The following JAZF1 variants were observed in gnomAD, a reference collection of about 807,000 sequenced individuals.
The protein encoded by JAZF1 is juxtaposed with another zinc finger protein 1.
Under a neutral mutation model 26.4 loss-of-function variants are expected in JAZF1, and 8 were observed. That is an observed-to-expected ratio of 0.30 (90% CI 0.18 to 0.55). The LOEUF is 0.55. JAZF1 is among the 20% of genes least tolerant of loss of function. The probability of loss-of-function intolerance (pLI) is 0.94; values close to 1 mark genes in which losing one functional copy is unlikely to be tolerated. For missense variants in JAZF1, 199 were observed against 322.0 expected, an observed-to-expected ratio of 0.62 and a Z score of 2.92; for synonymous variants, 126 against 122.3, an observed-to-expected ratio of 1.03 and a Z score of -0.20.
rs116994861 is a variant in JAZF1 at position 28,026,631 on chromosome 7, G to A, written c.116-34650C>T. ...TAGGGGAATCTAACCAATGGTGCAGGTATCATTTGTGTAACTAAGGTACCA... is the reference window on the plus strand; with the variant it reads ...TAGGGGAATCTAACCAATGGTGCAGATATCATTTGTGTAACTAAGGTACCA... On this transcript the variant is annotated intron_variant, in intron 1 of 4. Coordinates refer to ENST00000283928, the MANE Select transcript of JAZF1 (RefSeq NM_175061.4). Among the ~76,000 whole-genome samples, 46 of 152,208 alleles carry A rather than the reference G, an allele frequency of 3.0e-4. 2 individuals carry two copies. In the East Asian group the frequency reaches 8.9e-3, roughly 29 times the overall value.
chr7:27,952,705 G>A (rs1214013163), intron 2 of JAZF1, among the ~76,000 whole-genome samples: 3 of 152,196 alleles, frequency 2.0e-5, no homozygotes, highest in Non-Finnish European at 2.9e-5. Flanking sequence ...TGAACAACAA[G>A]CATATTCCTT....
chr7:28,168,474 T>G (rs1783403554), intron 1 of JAZF1, among the ~76,000 whole-genome samples: 1 of 151,796 alleles, frequency 6.6e-6, no homozygotes, highest in African/African-American at 2.4e-5. Flanking sequence ...TAAAAGCATC[T>G]GCCAACAAAG....
At position 27,977,784 on chromosome 7, in the gene JAZF1, C is replaced by A. The variant is rs186898715; in HGVS notation, c.188+14125G>T. On this transcript the variant is annotated intron_variant, in intron 2 of 4. Transcript: ENST00000283928. ...TTGTGCCGATTCTGACCTCTGCCTC[C>A]TCAGTTCAGCGAAGCTGCTGTGTTC... 1.1e-4 allele frequency among the ~76,000 whole-genome samples: 16 copies of A among 152,324 alleles called. No homozygotes were observed. The East Asian group carries it at 3.1e-3, about 29-fold the overall frequency.
At chr7:28,035,891 T>G (rs906522735) in intron 1 of JAZF1, among the ~76,000 whole-genome samples, 6 of 152,058 alleles carry the variant, frequency 3.9e-5, no homozygotes, top group African/African-American at 1.4e-4. Context: ...AATAAATACA[T>G]GAAAATAAAG....
chr7:28,112,668 A>C (rs1039242193), intron 1 of JAZF1, among the ~76,000 whole-genome samples: 1 of 152,210 alleles, frequency 6.6e-6, no homozygotes, highest in African/African-American at 2.4e-5. Flanking sequence ...TAAGGCATAC[A>C]AAGTACTGTG....
chr7:27,975,470 C>T (rs768926015), intron 2 of JAZF1, among the ~76,000 whole-genome samples: 6 of 152,240 alleles, frequency 3.9e-5, no homozygotes, highest in South Asian at 2.1e-4. Flanking sequence ...CAAGGAAGGA[C>T]GGGCTGAGAC....
intron 1 of JAZF1, among the ~76,000 whole-genome samples, chr7:28,138,599 G>A (rs1782919808): frequency 2.6e-5 from 4 of 152,168 alleles, no homozygotes; most frequent in Admixed American, 2.6e-4. Context: ...AAGAGAAAAA[G>A]GAAATCTGAT....
chr7:27,876,958 T>C (rs1367048942), intron 3 of JAZF1, among the ~76,000 whole-genome samples: 1 of 152,184 alleles, frequency 6.6e-6, no homozygotes, highest in Non-Finnish European at 1.5e-5. Flanking sequence ...GAGATGACTT[T>C]ATGGGGTTGT....
rs777053184 is a variant in JAZF1 at position 27,872,747 on chromosome 7, C to T, written c.385+22473G>A. ...TAATCTTGGGTTAAAAATATAAATG[C>T]GGAGGCTCCTTATTGTCTTTGGGGC... On this transcript the variant is annotated intron_variant, in intron 3 of 4. Transcript: ENST00000283928. 4.6e-5 allele frequency among the ~76,000 whole-genome samples: 7 copies of T among 152,210 alleles called. No individual in the cohort carries two copies. In the East Asian group the frequency reaches 7.7e-4, roughly 17 times the overall value.
At chr7:27,864,761 A>C (rs1783446489) in intron 3 of JAZF1, among the ~76,000 whole-genome samples, 1 of 152,246 alleles carries the variant, frequency 6.6e-6, no homozygotes, top group South Asian at 2.1e-4. Context: ...TCTTCAGGAC[A>C]GCAGGGAGCT....
chr7:27,861,550 TC>T (rs1229759499), intron 3 of JAZF1, among the ~76,000 whole-genome samples: 3 of 108,686 alleles, frequency 2.8e-5, no homozygotes, highest in East Asian at 3.5e-4. Context: ...CTTTTTTTAT[TC>T]TTTTTTTTTT....
intron 2 of JAZF1, among the ~76,000 whole-genome samples, chr7:27,970,872 T>C (rs1207969426): frequency 1.3e-5 from 2 of 152,210 alleles, no homozygotes; most frequent in Admixed American, 1.3e-4. Flanking sequence ...AAAACACTAT[T>C]TTGGGAAGCA....
intron 1 of JAZF1, among the ~76,000 whole-genome samples, chr7:28,034,623 A>G (rs1462425518): frequency 6.6e-6 from 1 of 152,202 alleles, no homozygotes; most frequent in Non-Finnish European, 1.5e-5. Flanking sequence ...CTCTGTCTTT[A>G]ACTCACAAAT....
chr7:28,098,767 GACA>G (rs1784423944), intron 1 of JAZF1, among the ~76,000 whole-genome samples: 1 of 152,156 alleles, frequency 6.6e-6, no homozygotes, highest in Non-Finnish European at 1.5e-5. Context: ...ACTGTGTACT[GACA>G]ACATGTTTGG....
rs538569166 is a variant in JAZF1 at position 27,879,637 on chromosome 7, G to A, written c.385+15583C>T. On this transcript the variant is annotated intron_variant, in intron 3 of 4. Transcript: ENST00000283928. ...GAAAGTAACCATTTAAAAGGGTGGG[G>A]CCTGCTCAAGATATAGGGTCATGAT... is the stretch of plus-strand genomic sequence containing the variant. Among the ~76,000 whole-genome samples, 97 of 152,108 alleles carry A rather than the reference G, an allele frequency of 6.4e-4. 1 individual carries two copies. The highest frequency in any genetic ancestry group is 5.5e-3 in the Admixed American group (84 of 15,272).
intron 1 of JAZF1, among the ~76,000 whole-genome samples, chr7:28,132,880 C>T (rs1371060148): frequency 1.3e-5 from 2 of 152,168 alleles, no homozygotes; most frequent in Non-Finnish European, 2.9e-5. Flanking sequence ...ACACCGTGTA[C>T]TCCTGACTAT....
chr7:28,101,822 A>G (rs1784476024), intron 1 of JAZF1, among the ~76,000 whole-genome samples: 1 of 152,186 alleles, frequency 6.6e-6, no homozygotes, highest in African/African-American at 2.4e-5. Context: ...GAAAACAAAC[A>G]AACAAATAAA....
chr7:27,833,793 A>G (rs1473146436), intron 4 of JAZF1, among the ~76,000 whole-genome samples: 4 of 152,206 alleles, frequency 2.6e-5, no homozygotes, highest in Non-Finnish European at 5.9e-5. Flanking sequence ...TCTATGTAAG[A>G]TTCCGTATTC....
intron 1 of JAZF1, among the ~76,000 whole-genome samples, chr7:28,113,947 C>T (rs573339339): frequency 7.1e-4 from 108 of 152,310 alleles, no homozygotes; most frequent in Middle Eastern, 6.8e-3. Context: ...TAAACACAGG[C>T]CCTTTCAGTT....
Sources: allele counts gnomAD v4.1 joint callset (sites outside exome capture counted in the v4.1 genomes callset), GRCh38; gene constraint gnomAD v4.1.1; transcripts MANE v1.5; gene names NCBI Gene and HGNC (gene_info 2026-07-23, HGNC 2026-07-21).